Variants in CHN1 observed in about 807,000 individuals in gnomAD.
The protein encoded by CHN1 is chimerin 1.
In CHN1, 37 loss-of-function variants were observed where a neutral mutation model predicts 59.5. That is an observed-to-expected ratio of 0.62 (90% confidence interval 0.48 to 0.82). The LOEUF is 0.82. Ranked by LOEUF, CHN1 falls within the 40% of genes least tolerant of loss-of-function variation. The pLI, the probability that CHN1 is intolerant of heterozygous loss-of-function variation, is 0.00. For missense variants in CHN1, 469 were observed against 571.0 expected (o/e 0.82, Z 1.82); for synonymous variants, 206 against 200.4 (o/e 1.03, Z -0.24).
rs1316340326 is a variant in CHN1 at position 174,827,688 on chromosome 2, G to A, written c.628-3170C>T. On this transcript the variant is annotated intron_variant, in intron 7 of 12. Coordinates refer to ENST00000409900, the MANE Select transcript of CHN1 (RefSeq NM_001822.7). ...TATGGCAGTCACCCAGACAACAGACGATATGGAGCTGAACTCGGGCAGTGG... is the reference window on the plus strand; with the variant it reads ...TATGGCAGTCACCCAGACAACAGACAATATGGAGCTGAACTCGGGCAGTGG... 3.3e-5 allele frequency among the ~76,000 whole-genome samples: 5 copies of A among 152,052 alleles called. No individual in the cohort carries two copies. The South Asian group carries it at 8.3e-4, about 25-fold the overall frequency.
intron 6 of CHN1, among the ~76,000 whole-genome samples, chr2:174,872,978 G>C (rs925053377): frequency 3.3e-5 from 5 of 151,522 alleles, no homozygotes; most frequent in African/African-American, 9.7e-5. Context: ...TGAGACTTAA[G>C]GAGGTTAAGG....
intron 6 of CHN1, among the ~76,000 whole-genome samples, chr2:174,856,814 G>GT (rs1488374645): frequency 2.0e-5 from 3 of 152,164 alleles, no homozygotes; most frequent in Non-Finnish European, 4.4e-5. Flanking sequence ...TAGCACACAA[G>GT]TATGTGCTGA....
At chr2:174,984,201 T>G (rs1329856295) in intron 1 of CHN1, among the ~76,000 whole-genome samples, 2 of 152,086 alleles carry the variant, frequency 1.3e-5, no homozygotes, top group Non-Finnish European at 2.9e-5. Context: ...AAGATGTCAG[T>G]GGATGAATCT....
In CHN1 at chr2:174,799,368, TTA is replaced by T; in HGVS notation, c.*746_*747del. On this transcript the variant is annotated 3_prime_UTR_variant, in exon 13 of 13. Coordinates refer to ENST00000409900, the MANE Select transcript of CHN1 (RefSeq NM_001822.7). The stretch of plus-strand genomic sequence containing the variant: ...GCCAAACACATTTTCCCGAATATTC[TTA>T]TGAGAAAAAAGTAAGCTATCAATAT... The T allele has an allele frequency of 2.5e-6, 1 of 406,422 alleles. No homozygotes were observed. The highest frequency in any genetic ancestry group is 4.7e-6 in the Non-Finnish European group (1 of 214,026). 25.2% of individuals were successfully genotyped at this position (406,422 alleles called of 1,614,324 possible).
chr2:174,834,550 G>A (rs899993759), intron 7 of CHN1, among the ~76,000 whole-genome samples: 1 of 152,110 alleles, frequency 6.6e-6, no homozygotes, highest in Non-Finnish European at 1.5e-5. Flanking sequence ...AAGGTTAATA[G>A]ATTTCTTTTC....
intron 11 of CHN1, among the ~76,000 whole-genome samples, chr2:174,804,782 A>G (rs1684836886): frequency 6.6e-6 from 1 of 152,218 alleles, no homozygotes; most frequent in Non-Finnish European, 1.5e-5. Flanking sequence ...TTGGTGGAGA[A>G]AAGTTCCATT....
At chr2:174,915,894 G>T (rs969283353) in intron 4 of CHN1, among the ~76,000 whole-genome samples, 1 of 152,124 alleles carries the variant, frequency 6.6e-6, no homozygotes, top group African/African-American at 2.4e-5. Flanking sequence ...TTTTTATAGC[G>T]ATTTACAATT....
At chr2:174,824,625 T>C in intron 7 of CHN1, 107 bp from the exon 8 acceptor site, 1 of 510,818 alleles carries the variant, frequency 2.0e-6, no homozygotes, top group East Asian at 3.7e-5. Flanking sequence ...TATATATATA[T>C]ATATATGAGA....
Position 174,813,042 on chromosome 2 carries a change from C to T in CHN1, c.713-560G>A, listed in dbSNP as rs192813598. The stretch of plus-strand genomic sequence containing the variant: ...CTATTATTTATTGCTATACTATTAC[C>T]GGCTAACATTTATTGAGGGCTTACT... On this transcript the variant is annotated intron_variant, in intron 8 of 12. Coordinates refer to ENST00000409900, the MANE Select transcript of CHN1 (RefSeq NM_001822.7). Among the ~76,000 whole-genome samples the T allele has an allele frequency of 1.6e-3, 244 of 152,138 alleles. 2 individuals carry two copies. Among genetic ancestry groups the T allele is most frequent in the Admixed American group, 0.014 (211 of 15,274 alleles).
intron 1 of CHN1, among the ~76,000 whole-genome samples, chr2:174,955,210 T>G (rs930720666): frequency 2.3e-5 from 1 of 42,710 alleles, no homozygotes; most frequent in African/African-American, 1.5e-4. Flanking sequence ...AATTGATATA[T>G]ATATATATCT....
At chr2:174,844,509 T>G (rs1183500497) in intron 7 of CHN1, among the ~76,000 whole-genome samples, 1 of 152,210 alleles carries the variant, frequency 6.6e-6, no homozygotes, top group East Asian at 1.9e-4. Context: ...GGCCCGTGGT[T>G]ATACAGAATA....
intron 5 of CHN1, among the ~76,000 whole-genome samples, chr2:174,911,377 C>T (rs1194571428): frequency 6.6e-6 from 1 of 152,194 alleles, no homozygotes; most frequent in African/African-American, 2.4e-5. Context: ...CCGAGAATCA[C>T]TTTGAAACAC....
rs773956665 is a variant in CHN1 at position 174,847,726 on chromosome 2, CTG to C, written c.550-771_550-770del. The C allele has an allele frequency of 7.8e-6, 7 of 902,284 alleles. No individual in the cohort carries two copies. The South Asian group carries it at 8.4e-5, about 11-fold the overall frequency. 55.9% of individuals were successfully genotyped at this position (902,284 alleles called of 1,614,324 possible). A position where few individuals can be genotyped will look rare whatever the true frequency, so the allele number is the denominator to read the frequency against. On this transcript the variant is annotated intron_variant, in intron 6 of 12. Coordinates refer to ENST00000409900, the MANE Select transcript of CHN1 (RefSeq NM_001822.7). ...CTGTATTCCTAAACTCACTCTGTCT[CTG>C]TTTCTCCCTCCTCTCATGTAAGTAA...
intron 6 of CHN1, among the ~76,000 whole-genome samples, chr2:174,864,413 T>A (rs1687153734): frequency 2.6e-5 from 4 of 152,234 alleles, no homozygotes; most frequent in Admixed American, 2.6e-4. Context: ...CGTAAATGTA[T>A]GCTGATTTAT....
intron 1 of CHN1, among the ~76,000 whole-genome samples, chr2:174,971,109 G>C (rs1320319814): frequency 6.6e-6 from 1 of 152,176 alleles, no homozygotes; most frequent in Non-Finnish European, 1.5e-5. Flanking sequence ...ACAAGGTCAG[G>C]AGATTGAGAC....
In CHN1 at chr2:174,812,938, T is replaced by C. The variant is rs188849658; in HGVS notation, c.713-456A>G. Reference sequence around the variant, plus strand: ...GGCCCTCTTAAAATGGTGCTGCTCATGTTTATATCTATCTGTAATCCTTTC... The same window carrying C: ...GGCCCTCTTAAAATGGTGCTGCTCACGTTTATATCTATCTGTAATCCTTTC... On this transcript the variant is annotated intron_variant, in intron 8 of 12. Transcript: ENST00000409900. Among the ~76,000 whole-genome samples the C allele has an allele frequency of 1.0e-3, 159 of 152,328 alleles. 1 individual carries two copies. The highest frequency in any genetic ancestry group is 3.4e-3 in the African/African-American group (143 of 41,578).
intron 5 of CHN1, among the ~76,000 whole-genome samples, chr2:174,902,148 G>A (rs754572542): frequency 5.3e-5 from 8 of 151,926 alleles, no homozygotes; most frequent in Non-Finnish European, 1.2e-4. Context: ...TTTTTGTATT[G>A]TATATTTGTC....
chr2:174,801,244 T>C (rs1043319955), intron 12 of CHN1, among the ~76,000 whole-genome samples: 64 of 152,218 alleles, frequency 4.2e-4, no homozygotes, highest in Non-Finnish European at 1.3e-4. Context: ...TTACATCAGT[T>C]TGCAGTGTTG....
At chr2:174,829,693 G>GA (rs1156802341) in intron 7 of CHN1, among the ~76,000 whole-genome samples, 1 of 152,188 alleles carries the variant, frequency 6.6e-6, no homozygotes, top group African/African-American at 2.4e-5. Flanking sequence ...AACATTACGG[G>GA]AAATAAAATT....
Sources: allele counts gnomAD v4.1 joint callset (sites outside exome capture counted in the v4.1 genomes callset), GRCh38; gene constraint gnomAD v4.1.1; transcripts MANE v1.5; gene names NCBI Gene and HGNC (gene_info 2026-07-23, HGNC 2026-07-21).